Variants in NOX1 observed in about 807,000 individuals in gnomAD.
NOX1 encodes the protein NADH/NADPH mitogenic oxidase subunit P65-MOX.
In NOX1, 34 loss-of-function variants were observed where a neutral mutation model predicts 42.5. That is an observed-to-expected ratio of 0.80 (90% CI 0.61 to 1.07). The LOEUF is 1.07. Ranked by LOEUF, NOX1 falls within the 50% of genes least tolerant of loss-of-function variation. The probability of loss-of-function intolerance (pLI) is 0.00; values close to 1 mark genes in which losing one functional copy is unlikely to be tolerated. For synonymous variants in NOX1, 143 were observed against 152.5 expected, an observed-to-expected ratio of 0.94 and a Z score of 0.46; for missense variants, 408 against 427.0, an observed-to-expected ratio of 0.96 and a Z score of 0.39.
chrX:100,851,447 T>G (rs1211828946), intron 7 of NOX1, 122 bp from the exon 8 acceptor site: 1 of 349,351 alleles, frequency 2.9e-6, no homozygotes, highest in East Asian at 4.8e-5. Flanking sequence ...TTTAAGCTAC[T>G]AATTTCACCA....
intron 11 of NOX1, 110 bp downstream of exon 11, chrX:100,849,170 T>G: frequency 1.2e-6 from 1 of 823,283 alleles, no homozygotes; most frequent in Non-Finnish European, 1.7e-6. Flanking sequence ...TGTGTGAGTG[T>G]GAGGGCAGGT....
Position 100,862,401 on chromosome X carries a change from T to C in NOX1, c.662A>G (p.His221Arg). 1 of 1,210,978 alleles carries C rather than the reference T, an allele frequency of 8.3e-7. No homozygotes were observed. Among genetic ancestry groups the C allele is most frequent in the Non-Finnish European group, 1.1e-6 (1 of 894,959 alleles). Reference sequence around the variant, plus strand: ...GGTTCGAGGATCTTACCCAATGCCGTGAATCCCTAAGCCAAGGATATAGAA... The same window carrying C: ...GGTTCGAGGATCTTACCCAATGCCGCGAATCCCTAAGCCAAGGATATAGAA... ...FIFYILGLGI[H>R]GIGGIVRGQT... Residue 221 changes from histidine to arginine, a missense_variant, in exon 6 of 13, where the codon CAC (histidine) becomes CGC (arginine). His to Arg is a conservative substitution (Grantham distance 29). Coordinates refer to ENST00000372966, the MANE Select transcript of NOX1 (RefSeq NM_007052.5).
At chrX:100,847,914 G>A (rs2147902325) in intron 12 of NOX1, among the ~76,000 whole-genome samples, 1 of 110,304 alleles carries the variant, frequency 9.1e-6, no homozygotes, top group Non-Finnish European at 1.9e-5. Flanking sequence ...GCTGTAACAT[G>A]TCTCAAAACC....
Position 100,843,967 on chromosome X carries a change from G to A in NOX1, c.1680C>T (p.Asn560=). 1 of 1,205,724 alleles carries A rather than the reference G, an allele frequency of 8.3e-7. No individual in the cohort carries two copies. The highest frequency in any genetic ancestry group is 1.1e-6 in the Non-Finnish European group (1 of 890,707). ...LDPRKVQFYF[N]KENF ...TTCCTATAACTCAAAAATTTTCTTT[G>A]TTGAAGTAGAATTGAACCTTTCTAG... Residue 560 remains asparagine (N), a synonymous_variant, in exon 13 of 13, where the codon AAC becomes AAT. Transcript: ENST00000372966.
At chrX:100,859,391 A>G (rs1239361346) in intron 7 of NOX1, among the ~76,000 whole-genome samples, 1 of 111,558 alleles carries the variant, frequency 9.0e-6, no homozygotes, top group African/African-American at 3.3e-5. Context: ...ATTGGCCTGA[A>G]GTTTTCTTTT....
At chrX:100,862,968 G>A in intron 4 of NOX1, 148 bp from the exon 5 acceptor site, 1 of 631,427 alleles carries the variant, frequency 1.6e-6, no homozygotes, top group South Asian at 2.7e-5. Flanking sequence ...CGATTGCGGA[G>A]AGATCTTTTT....
rs1248799993 is a variant in NOX1, at chrX:100,862,154, G to T, written c.804+17C>A. The T allele has an allele frequency of 8.3e-7, 1 of 1,209,531 alleles. No homozygotes were observed. The highest frequency in any genetic ancestry group is 1.7e-5 in the African/African-American group (1 of 57,777). ...CAGCTCCTAACAAGAGTCTGTCCTT[G>T]CCCGTAGGGCTCTTACCTCAGGGGG... is the stretch of plus-strand genomic sequence containing the variant. On this transcript the variant is annotated intron_variant, in intron 7 of 12. Coordinates refer to ENST00000372966, the MANE Select transcript of NOX1 (RefSeq NM_007052.5).
chrX:100,871,034 G>A (rs773491863), intron 1 of NOX1, among the ~76,000 whole-genome samples: 21 of 112,262 alleles, frequency 1.9e-4, no homozygotes, highest in East Asian at 1.4e-3. Context: ...AGCAAACTGA[G>A]GCCCATGGCC....
At chrX:100,848,585 G>A (rs774001401) in intron 12 of NOX1, 45 bp downstream of exon 12, 8 of 1,167,096 alleles carry the variant, frequency 6.9e-6, no homozygotes, top group Admixed American at 2.2e-5. Flanking sequence ...AAGCCACCAC[G>A]CACGGCCCCT....
Position 100,857,769 on chromosome X carries a change from G to T in NOX1, c.804+4402C>A, listed in dbSNP as rs375827232. On this transcript the variant is annotated intron_variant, in intron 7 of 12. Coordinates refer to ENST00000372966, the MANE Select transcript of NOX1 (RefSeq NM_007052.5). ...GTTATGGGATAATTTGTGTTTTTTT[G>T]TTGTTGTTGTTAATTTGTTTAGGTT... 2.3e-3 allele frequency among the ~76,000 whole-genome samples: 223 copies of T among 96,655 alleles called. 1 individual carries two copies. The highest frequency in any genetic ancestry group is 6.5e-3 in the African/African-American group (153 of 23,601). 83.9% of individuals were successfully genotyped at this position (96,655 alleles called of 115,157 possible).
intron 3 of NOX1, 92 bp from the exon 4 acceptor site, chrX:100,863,335 C>T: frequency 1.1e-6 from 1 of 914,559 alleles, no homozygotes; most frequent in East Asian, 3.1e-5. Context: ...TATAGCATGC[C>T]AATACTCACC....
At chrX:100,855,919 G>A in intron 7 of NOX1, 8 of 1,170,201 alleles carry the variant, frequency 6.8e-6, no homozygotes, top group Non-Finnish European at 9.2e-6. Flanking sequence ...ACGGAGTCAT[G>A]GTCGTCAAAA....
At chrX:100,853,256 TCC>T (rs1491422641) in intron 7 of NOX1, among the ~76,000 whole-genome samples, 197 of 37,960 alleles carry the variant, frequency 5.2e-3, no homozygotes, top group Non-Finnish European at 7.3e-3. Flanking sequence ...CTTCCTTCCT[TCC>T]TTCCTTTCTT....
chrX:100,867,088 A>G (rs1051665552), intron 2 of NOX1, among the ~76,000 whole-genome samples: 1 of 111,949 alleles, frequency 8.9e-6, no homozygotes, highest in African/African-American at 3.2e-5. Context: ...GCTGGAGTGC[A>G]GTGGCGCGAT....
In NOX1 at chrX:100,850,314, A is replaced by G. The variant is rs1308381158; in HGVS notation, c.970T>C (p.Tyr324His). Residue 324 changes from tyrosine to histidine, a missense_variant, in exon 9 of 13, where the codon TAT becomes CAT. By Grantham distance (83) the Tyr-to-His change is moderately conservative. Transcript: ENST00000372966. The part of the protein sequence containing the change: ...KRGFSMEVGQ[Y>H]IFVNCPSISL... ...ATTGAGGGGCAATTAACAAAGATAT[A>G]CTGCCCCACTTCCATGCTGAAGCCA... The G allele has an allele frequency of 9.1e-6, 11 of 1,209,554 alleles. No homozygotes were observed. Among genetic ancestry groups the G allele is most frequent in the Non-Finnish European group, 1.2e-5 (11 of 894,155 alleles).
At chrX:100,861,083 G>A (rs775005407) in intron 7 of NOX1, among the ~76,000 whole-genome samples, 2 of 111,125 alleles carry the variant, frequency 1.8e-5, no homozygotes, top group African/African-American at 3.3e-5. Flanking sequence ...CTTCTTTTAT[G>A]GCTTCAGGGT....
At chrX:100,850,880 C>A (rs1307918079) in intron 8 of NOX1, among the ~76,000 whole-genome samples, 1 of 110,463 alleles carries the variant, frequency 9.1e-6, no homozygotes, top group East Asian at 2.8e-4. Context: ...CTCTCTGTCA[C>A]CCAGGCTGGA....
At position 100,862,557 on chromosome X, in the gene NOX1, G is replaced by A. The variant is rs2085211989; in HGVS notation, c.506C>T (p.Thr169Ile). 6 of 1,209,267 alleles carry A rather than the reference G, an allele frequency of 5.0e-6. No individual in the cohort carries two copies. The highest frequency in any genetic ancestry group is 6.7e-6 in the Non-Finnish European group (6 of 893,677). ...AGTGAGACCAGCAATGCTGGTGAAT[G>A]TCACATACTCCACTGTCTGTGAAAG... is the stretch of plus-strand genomic sequence containing the variant. Reference protein sequence around the residue: ...QSRNTTVEYVTFTSIAGLTGV... With the variant: ...QSRNTTVEYVIFTSIAGLTGV... Residue 169 changes from threonine (T) to isoleucine (I), a missense_variant, in exon 6 of 13, where the codon ACA (threonine) becomes ATA (isoleucine). By Grantham distance (89) the Thr-to-Ile change is moderately conservative (BLOSUM62 -1). Coordinates refer to ENST00000372966, the MANE Select transcript of NOX1 (RefSeq NM_007052.5).
rs1364659678 is a variant in NOX1 at position 100,843,757 on chromosome X, T to C, written c.*195A>G. ...ATGGGCTTTAAGAACTTCAGAACTT[T>C]AAGAACTTCAGAAGTTCTTAAGTTG... On this transcript the variant is annotated 3_prime_UTR_variant, in exon 13 of 13. Coordinates refer to ENST00000372966, the MANE Select transcript of NOX1 (RefSeq NM_007052.5). 4.7e-6 allele frequency: 2 copies of C among 421,395 alleles called. No homozygotes were observed. The highest frequency in any genetic ancestry group is 8.1e-6 in the Non-Finnish European group (2 of 247,206). The allele number at this position is 421,395 out of a possible 1,213,427, so 34.7% of individuals were successfully genotyped here.
Sources: gnomAD v4.1 joint callset for allele counts (sites outside exome capture counted in the v4.1 genomes callset) on GRCh38, gnomAD v4.1.1 for gene constraint, MANE v1.5 for transcripts, NCBI Gene and HGNC (gene_info 2026-07-23, HGNC 2026-07-21) for gene names.